The following TLL2 variants were observed in gnomAD, a reference collection of about 807,000 sequenced individuals.
The protein encoded by TLL2 is tolloid like 2.
A neutral mutation model predicts 123.0 loss-of-function variants in TLL2; 106 were observed. That is an observed-to-expected ratio of 0.86 (90% CI 0.74 to 1.01). The LOEUF is 1.01. Ranked by LOEUF, TLL2 falls within the 50% of genes least tolerant of loss-of-function variation. The probability of loss-of-function intolerance (pLI) is 0.00; values close to 1 mark genes in which losing one functional copy is unlikely to be tolerated. For missense variants in TLL2, 1,332 were observed against 1,336.7 expected (o/e 1.00, Z 0.06); for synonymous variants, 494 against 516.8 (o/e 0.96, Z 0.60).
intron 1 of TLL2, among the ~76,000 whole-genome samples, chr10:96,481,995 C>T (rs915729952): frequency 4.6e-5 from 7 of 152,210 alleles, no homozygotes; most frequent in Non-Finnish European, 8.8e-5. Context: ...CGGTGGCTCA[C>T]GCCTGTAATC....
intron 2 of TLL2, among the ~76,000 whole-genome samples, chr10:96,449,684 C>T (rs967888224): frequency 1.3e-5 from 2 of 152,118 alleles, no homozygotes; most frequent in Non-Finnish European, 2.9e-5. Flanking sequence ...GTGATATGGC[C>T]CTGCCAGCCT....
intron 3 of TLL2, among the ~76,000 whole-genome samples, chr10:96,442,023 A>G (rs1178493685): frequency 6.6e-6 from 1 of 152,168 alleles, no homozygotes; most frequent in Non-Finnish European, 1.5e-5. Context: ...GGCTCTATCA[A>G]AACAGTCACA....
At chr10:96,471,295 G>A (rs1452711621) in intron 2 of TLL2, among the ~76,000 whole-genome samples, 3 of 152,130 alleles carry the variant, frequency 2.0e-5, no homozygotes, top group Non-Finnish European at 4.4e-5. Flanking sequence ...GTGAGCCACC[G>A]CACCCGGCCA....
At chr10:96,381,972 A>T (rs1469656181) in intron 16 of TLL2, among the ~76,000 whole-genome samples, 1 of 152,248 alleles carries the variant, frequency 6.6e-6, no homozygotes, top group Admixed American at 6.5e-5. Flanking sequence ...GCTTGTAAAC[A>T]GTTCACCCTC....
intron 3 of TLL2, among the ~76,000 whole-genome samples, chr10:96,437,751 G>A (rs1846810786): frequency 1.3e-5 from 2 of 152,122 alleles, no homozygotes. Flanking sequence ...TTTTATTGCT[G>A]AGTAGTAGTC....
chr10:96,396,035 A>G lies in TLL2; in HGVS notation c.1385-15T>C. 6.2e-7 allele frequency: 1 copy of G among 1,613,586 alleles called. No homozygotes were observed. Among genetic ancestry groups the G allele is most frequent in the Non-Finnish European group, 8.5e-7 (1 of 1,179,620 alleles). On this transcript the variant is annotated splice_polypyrimidine_tract_variant and intron_variant, in intron 11 of 20. Transcript: ENST00000357947. The stretch of plus-strand genomic sequence containing the variant: ...CCCGCAGGTAGCTTTAGAAAGAGAC[A>G]TCAGGAGAGGAAGACGGGGGCCCTG...
intron 11 of TLL2, among the ~76,000 whole-genome samples, 158 bp from the exon 12 acceptor site, chr10:96,396,178 A>G (rs1303308165): frequency 6.6e-6 from 1 of 152,200 alleles, no homozygotes; most frequent in Admixed American, 6.5e-5. Context: ...CGCCTCCAGA[A>G]AGGCACGATT....
chr10:96,373,861 T>TG, intron 18 of TLL2, 52 bp from the exon 19 acceptor site: 1 of 1,555,018 alleles, frequency 6.4e-7, no homozygotes, highest in African/African-American at 1.4e-5. Flanking sequence ...TCAGCTGGGG[T>TG]GGGGGCCTCC....
chr10:96,396,614 G>A (rs1250490540), intron 11 of TLL2, among the ~76,000 whole-genome samples: 1 of 145,014 alleles, frequency 6.9e-6, no homozygotes, highest in Non-Finnish European at 1.5e-5. Context: ...AGAGGGTACG[G>A]TGGGGTGGGG....
chr10:96,450,116 T>C (rs1846942094), intron 2 of TLL2, among the ~76,000 whole-genome samples: 2 of 147,552 alleles, frequency 1.4e-5, no homozygotes, highest in African/African-American at 5.1e-5. Flanking sequence ...ACAGAACGGA[T>C]GGATGAAGGG....
chr10:96,370,273 AGCTCTTTG>A lies in TLL2; in HGVS notation c.2697_2704del (p.Lys900LeufsTer18), dbSNP rs757595359. The A allele has an allele frequency of 7.1e-5, 114 of 1,607,116 alleles. No homozygotes were observed. Among genetic ancestry groups the A allele is most frequent in the Non-Finnish European group, 9.5e-5 (112 of 1,176,428 alleles). On this transcript the variant is annotated frameshift_variant, in exon 20 of 21. Transcript: ENST00000357947. LOFTEE classifies it high-confidence loss of function. ...GTCCCCAAACTGGGCGTGGGAATAG[AGCTCTTTG>A]GTCTGCACTTCAGCCTTCAGCCTGC...
At chr10:96,469,961 C>A (rs1045496617) in intron 2 of TLL2, among the ~76,000 whole-genome samples, 6 of 152,024 alleles carry the variant, frequency 3.9e-5, no homozygotes, top group Admixed American at 1.3e-4. Flanking sequence ...CCGGTGGGAG[C>A]CAAGAACTCT....
chr10:96,370,211 T>A lies in TLL2; in HGVS notation c.2767A>T (p.Ile923Phe). The A allele has an allele frequency of 6.2e-7, 1 of 1,614,068 alleles. No homozygotes were observed. Among genetic ancestry groups the A allele is most frequent in the East Asian group, 2.2e-5 (1 of 44,882 alleles). Residue 923 changes from isoleucine to phenylalanine, a missense_variant, in exon 20 of 21, where the codon ATC becomes TTC. Transcript: ENST00000357947. Reference sequence around the variant, plus strand: ...ACGCCGTAGCCGTCCTCTGCCACGATCACCCAGTCACAGCGGGCCTCGCTC... The same window carrying A: ...ACGCCGTAGCCGTCCTCTGCCACGAACACCCAGTCACAGCGGGCCTCGCTC... ...YPSEARCDWV[I>F]VAEDGYGVEL...
rs61738801 is a variant in TLL2, at chr10:96,386,182, C to G, written c.1886G>C (p.Gly629Ala). 8.1e-4 allele frequency: 1,296 copies of G among 1,606,194 alleles called. No individual in the cohort carries two copies. The highest frequency in any genetic ancestry group is 1.0e-3 in the Non-Finnish European group (1,203 of 1,175,830). The part of the protein sequence containing the change: ...ACGGFITKLN[G>A]TITSPGWPKE... ...CGGCCACCCAGGGCTGGTGATGGTT[C>G]CATTCAGCTTGGTAATGAAACCGCC... Residue 629 changes from glycine to alanine, a missense_variant, in exon 15 of 21, where the codon GGA becomes GCA. Coordinates refer to ENST00000357947, the MANE Select transcript of TLL2 (RefSeq NM_012465.4).
Position 96,480,408 on chromosome 10 carries a change from T to A in TLL2, c.227A>T (p.His76Leu), listed in dbSNP as rs1452802480. ...ALDEDDLKLF[H>L]IDKARDWTKQ... is the part of the protein sequence containing the mutation. ...GGTCCAGTCTCTGGCTTTGTCAATG[T>A]GAAACAGCTTCAAGTCATCTTCATC... The change falls in exon 2 of 21, where the codon CAC (histidine) becomes CTC (leucine). Residue 76 changes from histidine (H) to leucine (L), a missense_variant. Transcript: ENST00000357947. 6.2e-7 allele frequency: 1 copy of A among 1,614,200 alleles called. No homozygotes were observed. The highest frequency in any genetic ancestry group is 1.7e-5 in the Admixed American group (1 of 60,028).
At chr10:96,371,147 C>A (rs1846079582) in intron 19 of TLL2, among the ~76,000 whole-genome samples, 1 of 151,886 alleles carries the variant, frequency 6.6e-6, no homozygotes, top group Non-Finnish European at 1.5e-5. Flanking sequence ...CATGGTGAAA[C>A]CCTGTCTCTA....
Position 96,404,216 on chromosome 10 carries a change from A to G in TLL2, c.1267+1016T>C, listed in dbSNP as rs368687358. ...GTCTTATTTCTTTTCTCAGTCTCTC[A>G]TCCCACCTGACTAGAAATACCCACA... On this transcript the variant is annotated intron_variant, in intron 10 of 20. Coordinates refer to ENST00000357947, the MANE Select transcript of TLL2 (RefSeq NM_012465.4). 3.2e-3 allele frequency among the ~76,000 whole-genome samples: 481 copies of G among 151,378 alleles called. 5 individuals are homozygous for G. The South Asian group carries it at 0.032, about 10-fold the overall frequency.
intron 18 of TLL2, chr10:96,374,256 C>T (rs766499409): frequency 8.6e-5 from 17 of 198,100 alleles, no homozygotes; most frequent in Non-Finnish European, 1.5e-4. Flanking sequence ...TTACAAGTAT[C>T]GCCTCATTTA....
chr10:96,460,681 G>C (rs1327152864), intron 2 of TLL2, among the ~76,000 whole-genome samples: 2 of 152,152 alleles, frequency 1.3e-5, no homozygotes, highest in Non-Finnish European at 2.9e-5. Context: ...TTCCTTGTAA[G>C]TTTCCTGAGG....
Sources: gnomAD v4.1 joint callset for allele counts (sites outside exome capture counted in the v4.1 genomes callset) on GRCh38, gnomAD v4.1.1 for gene constraint, MANE v1.5 for transcripts, NCBI Gene and HGNC (gene_info 2026-07-23, HGNC 2026-07-21) for gene names.